ZMYM4: variants seen among roughly 807,000 people sequenced by gnomAD.
ZMYM4 encodes the protein zinc finger MYM-type protein 4.
Under a neutral mutation model 183.2 loss-of-function variants are expected in ZMYM4, and 31 were observed. The ratio of observed to expected loss-of-function variants is 0.17; its 90% CI spans 0.13 to 0.23. The LOEUF (loss-of-function observed/expected upper bound fraction) is 0.23, where lower values mean the gene tolerates loss of function less well. Among genes scored for constraint, ZMYM4 ranks in the 10% least tolerant of loss-of-function variants. The pLI is 1.00. For missense variants in ZMYM4, 1,273 were observed against 1,840.3 expected (o/e 0.69, Z 5.64); for synonymous variants, 592 against 631.2 (o/e 0.94, Z 0.93).
At chr1:35,304,351 T>C (rs1641428890) in intron 1 of ZMYM4, among the ~76,000 whole-genome samples, 1 of 152,216 alleles carries the variant, frequency 6.6e-6, no homozygotes, top group South Asian at 2.1e-4. Flanking sequence ...GTATGCTTAA[T>C]TTCTAATTTT....
chr1:35,288,212 T>C (rs1279007429), intron 1 of ZMYM4, among the ~76,000 whole-genome samples: 46 of 152,266 alleles, frequency 3.0e-4, no homozygotes, highest in Non-Finnish European at 6.6e-4. Flanking sequence ...CTTTTGACTT[T>C]CCTTGCTTTT....
chr1:35,318,200 A>G (rs958804799), intron 1 of ZMYM4, among the ~76,000 whole-genome samples: 1 of 151,588 alleles, frequency 6.6e-6, no homozygotes, highest in African/African-American at 2.4e-5. Context: ...CTGTGACTAC[A>G]GGCACGTGCC....
intron 22 of ZMYM4, 77 bp downstream of exon 22, chr1:35,399,120 G>GC: frequency 7.2e-7 from 1 of 1,395,818 alleles, no homozygotes. Flanking sequence ...ACACTATTAA[G>GC]CAGTGCCAAT....
intron 1 of ZMYM4, among the ~76,000 whole-genome samples, chr1:35,276,204 A>G (rs947357024): frequency 2.6e-5 from 4 of 152,184 alleles, no homozygotes; most frequent in African/African-American, 9.6e-5. Flanking sequence ...TAAGCCAAAA[A>G]TTAATCTACT....
intron 2 of ZMYM4, among the ~76,000 whole-genome samples, chr1:35,352,574 C>T (rs1308698217): frequency 1.3e-5 from 2 of 152,206 alleles, no homozygotes; most frequent in East Asian, 3.9e-4. Flanking sequence ...GACTTGTACA[C>T]TCATTTTCCC....
At chr1:35,392,715 A>T in intron 17 of ZMYM4, 31 bp downstream of exon 17, 1 of 1,558,756 alleles carries the variant, frequency 6.4e-7, no homozygotes, top group Non-Finnish European at 8.7e-7. Flanking sequence ...TGGTATTGTC[A>T]CTGTATTTAT....
In ZMYM4 at chr1:35,409,529, A is replaced by T. The variant is rs11810056; in HGVS notation, c.3948+1370A>T. Among the ~76,000 whole-genome samples the T allele has an allele frequency of 3.6e-3, 542 of 151,898 alleles. 3 individuals are homozygous for T. Among genetic ancestry groups the T allele is most frequent in the African/African-American group, 0.013 (519 of 41,410 alleles). ...TTTTAATTTGCATTTTCCTAATGAC[A>T]TTGGGAATCTTTTTGTGTACTTTTT... On this transcript the variant is annotated intron_variant, in intron 26 of 29. Transcript: ENST00000314607.
intron 1 of ZMYM4, among the ~76,000 whole-genome samples, chr1:35,312,577 C>T (rs991280611): frequency 3.3e-5 from 5 of 152,314 alleles, no homozygotes; most frequent in Admixed American, 6.5e-5. Context: ...CATTTCCCTG[C>T]AGTGGTACTA....
At position 35,316,488 on chromosome 1, in the gene ZMYM4, A is replaced by T. The variant is rs553232624; in HGVS notation, c.40-8872A>T. On this transcript the variant is annotated intron_variant, in intron 1 of 29. Coordinates refer to ENST00000314607, the MANE Select transcript of ZMYM4 (RefSeq NM_005095.3). ...CTAGCTCTTGTGTTAACAAATCACT[A>T]TGTAATTAGCAGATGTCTCACGAGC... 5.9e-5 allele frequency among the ~76,000 whole-genome samples: 9 copies of T among 152,354 alleles called. 1 individual carries two copies. The South Asian group carries it at 1.9e-3, about 32-fold the overall frequency.
chr1:35,334,891 CTTGT>C (rs1340132758), intron 2 of ZMYM4, among the ~76,000 whole-genome samples: 9 of 152,094 alleles, frequency 5.9e-5, no homozygotes, highest in Non-Finnish European at 1.3e-4. Flanking sequence ...GGTTTTCAGT[CTTGT>C]TTAAGAAAGT....
intron 1 of ZMYM4, among the ~76,000 whole-genome samples, chr1:35,302,193 G>A (rs1014101170): frequency 3.2e-4 from 41 of 129,392 alleles, no homozygotes; most frequent in Non-Finnish European, 4.9e-4. Context: ...GCTAAAAACG[G>A]CTCTTGCTTT....
chr1:35,327,374 T>G (rs1642550897), intron 2 of ZMYM4, among the ~76,000 whole-genome samples: 1 of 152,252 alleles, frequency 6.6e-6, no homozygotes, highest in African/African-American at 2.4e-5. Flanking sequence ...TAGAATTGAT[T>G]AATTATCAAA....
intron 23 of ZMYM4, among the ~76,000 whole-genome samples, chr1:35,403,237 A>AT (rs1223939616): frequency 7.2e-5 from 11 of 151,916 alleles, no homozygotes; most frequent in African/African-American, 2.7e-4. Context: ...TGTATTTATT[A>AT]TTTTTTTGTG....
At chr1:35,411,187 C>CTT (rs1019150941) in intron 26 of ZMYM4, among the ~76,000 whole-genome samples, 19 of 131,470 alleles carry the variant, frequency 1.4e-4, no homozygotes, top group South Asian at 2.4e-4. Flanking sequence ...TTTCTTTTTT[C>CTT]TTTTTTTTTT....
intron 1 of ZMYM4, 40 bp downstream of exon 1, chr1:35,269,125 G>T: frequency 1.3e-6 from 2 of 1,543,420 alleles, no homozygotes; most frequent in Non-Finnish European, 1.7e-6. Context: ...CGGGGGGCGG[G>T]GCGCGGCCCG....
intron 28 of ZMYM4, 90 bp from the exon 29 acceptor site, chr1:35,418,353 C>G: frequency 1.4e-6 from 2 of 1,412,070 alleles, no homozygotes; most frequent in Non-Finnish European, 9.6e-7. Flanking sequence ...TGACAAAGTT[C>G]TGGCTGCGAA....
chr1:35,371,111 A>ATGTG, intron 7 of ZMYM4, among the ~76,000 whole-genome samples: 1 of 119,056 alleles, frequency 8.4e-6, no homozygotes. Flanking sequence ...GTGTGTGCGC[A>ATGTG]CATTTATTTA....
intron 2 of ZMYM4, among the ~76,000 whole-genome samples, chr1:35,336,210 AACCATGTTGAACCTTCTTGT>A (rs1235820162): frequency 6.6e-6 from 1 of 152,078 alleles, no homozygotes; most frequent in Non-Finnish European, 1.5e-5. Context: ...TACCTTGTGG[AACCATGTTGAACCTTCTTGT>A]ACCATGTTGA....
chr1:35,374,111 A>C (rs1644281781), intron 7 of ZMYM4, among the ~76,000 whole-genome samples: 1 of 137,870 alleles, frequency 7.3e-6, no homozygotes. Context: ...GGCTCACTGC[A>C]ACCTCCACCT....
Sources: gnomAD v4.1 joint callset for allele counts (sites outside exome capture counted in the v4.1 genomes callset) on GRCh38, gnomAD v4.1.1 for gene constraint, MANE v1.5 for transcripts, NCBI Gene and HGNC (gene_info 2026-07-23, HGNC 2026-07-21) for gene names.